The following SNX10 variants were observed in gnomAD, a reference collection of about 807,000 sequenced individuals.
SNX10 encodes sorting nexin-10.
Under a neutral mutation model 28.5 loss-of-function variants are expected in SNX10, and 25 were observed. The observed-to-expected ratio is 0.88, with a 90% CI of 0.64 to 1.22. The LOEUF is 1.22. SNX10 is among the 50% of genes most tolerant of loss of function. The pLI, the probability that SNX10 is intolerant of heterozygous loss-of-function variation, is 0.00. For synonymous variants in SNX10, 62 were observed against 81.4 expected, an observed-to-expected ratio of 0.76 and a Z score of 1.28; for missense variants, 223 against 242.6, an observed-to-expected ratio of 0.92 and a Z score of 0.54.
chr7:26,373,663 CT>C lies in SNX10; in HGVS notation c.*1093del. 1 of 151,916 alleles carries C rather than the reference CT, an allele frequency of 6.6e-6. No individual in the cohort carries two copies. The highest frequency in any genetic ancestry group is 1.9e-4 in the East Asian group (1 of 5,180). The allele number at this position is 151,916 out of a possible 1,614,324, so 9.4% of individuals were successfully genotyped here. On this transcript the variant is annotated 3_prime_UTR_variant, in exon 7 of 7. Transcript: ENST00000338523. This position sits in a 1 kb window ranked among gnomAD's most constrained non-coding sequence, Gnocchi z 4.2. ...CAGATTTCAGATGAGGCAACATTTT[CT>C]TGAGATAATTACCCAAGTTTCATCC...
At chr7:26,339,393 T>A (rs1172117776) in intron 1 of SNX10, among the ~76,000 whole-genome samples, 1 of 152,068 alleles carries the variant, frequency 6.6e-6, no homozygotes, top group Non-Finnish European at 1.5e-5. Context: ...GTCTTGCATA[T>A]TTTTTAAATC....
chr7:26,352,947 A>C (rs1413816569), intron 2 of SNX10, among the ~76,000 whole-genome samples: 1 of 151,946 alleles, frequency 6.6e-6, no homozygotes, highest in Non-Finnish European at 1.5e-5. Context: ...TGCTGATTGC[A>C]TCCTTGTGGA....
At chr7:26,304,245 G>T (rs1421429784) in intron 1 of SNX10, among the ~76,000 whole-genome samples, 1 of 152,130 alleles carries the variant, frequency 6.6e-6, no homozygotes, top group African/African-American at 2.4e-5. Flanking sequence ...CCATTTGTTT[G>T]TTTAGACCAG....
chr7:26,300,912 G>A (rs536739122), intron 1 of SNX10, among the ~76,000 whole-genome samples: 1 of 150,770 alleles, frequency 6.6e-6, no homozygotes, highest in Non-Finnish European at 1.5e-5. Context: ...CCAGCTACTC[G>A]GGAGGCTGCG....
intron 5 of SNX10, among the ~76,000 whole-genome samples, chr7:26,366,289 C>T (rs751987767): frequency 8.5e-5 from 13 of 152,140 alleles, no homozygotes; most frequent in Non-Finnish European, 1.8e-4. Flanking sequence ...TAAGTATGCA[C>T]ATTAATATTA....
chr7:26,353,511 C>T (rs533955795), intron 2 of SNX10, among the ~76,000 whole-genome samples: 4 of 141,470 alleles, frequency 2.8e-5, no homozygotes, highest in East Asian at 4.2e-4. Context: ...TGCAGTGGCA[C>T]GATCTCAGTT....
intron 1 of SNX10, among the ~76,000 whole-genome samples, chr7:26,341,254 G>A (rs1264993271): frequency 1.3e-5 from 2 of 152,148 alleles, no homozygotes; most frequent in Non-Finnish European, 2.9e-5. Context: ...AGCTATAATT[G>A]TGCCACTGCA....
At chr7:26,325,730 G>T (rs1787478869) in intron 1 of SNX10, among the ~76,000 whole-genome samples, 2 of 108,780 alleles carry the variant, frequency 1.8e-5, no homozygotes, top group African/African-American at 4.0e-5. Context: ...CAAAATTAGA[G>T]ATTTTTTTTT....
At position 26,372,613 on chromosome 7, in the gene SNX10, T is replaced by C. The variant is rs1444572684; in HGVS notation, c.*41T>C. On this transcript the variant is annotated 3_prime_UTR_variant, in exon 7 of 7. Coordinates refer to ENST00000338523, the MANE Select transcript of SNX10 (RefSeq NM_013322.3). Reference sequence around the variant, plus strand: ...TTACTATCTTAGGAATAGCAAATTATGTCCAGTCATAGAGAAGAAAGCTTC... The same window carrying C: ...TTACTATCTTAGGAATAGCAAATTACGTCCAGTCATAGAGAAGAAAGCTTC... The C allele has an allele frequency of 8.9e-7, 1 of 1,124,062 alleles. No individual in the cohort carries two copies. Among genetic ancestry groups the C allele is most frequent in the African/African-American group, 1.5e-5 (1 of 65,430 alleles). 69.6% of individuals were successfully genotyped at this position (1,124,062 alleles called of 1,614,324 possible).
At chr7:26,318,798 T>A (rs2127999726) in intron 1 of SNX10, among the ~76,000 whole-genome samples, 1 of 152,374 alleles carries the variant, frequency 6.6e-6, no homozygotes, top group Non-Finnish European at 1.5e-5. Context: ...GTATACTTAA[T>A]TTTTCTTGTA....
chr7:26,303,185 A>G (rs993541213), intron 1 of SNX10, among the ~76,000 whole-genome samples: 3 of 152,202 alleles, frequency 2.0e-5, no homozygotes, highest in Non-Finnish European at 4.4e-5. Context: ...TATTCTTGCA[A>G]ATTCATCCCT....
chr7:26,369,104 C>T (rs1315621479), intron 5 of SNX10, among the ~76,000 whole-genome samples: 1 of 152,156 alleles, frequency 6.6e-6, no homozygotes, highest in African/African-American at 2.4e-5. Flanking sequence ...TTCTGATTTG[C>T]ACTATAAATA....
In SNX10 at chr7:26,336,715, CA is replaced by C. The variant is rs540555560; in HGVS notation, c.-23-9699del. 5.0e-4 allele frequency among the ~76,000 whole-genome samples: 76 copies of C among 152,166 alleles called. 1 individual carries two copies. The highest frequency in any genetic ancestry group is 6.8e-3 in the Middle Eastern group (2 of 294). On this transcript the variant is annotated intron_variant, in intron 1 of 6. Coordinates refer to ENST00000338523, the MANE Select transcript of SNX10 (RefSeq NM_013322.3). ...GCGAGACTGTCTCAAAAAATAACAA[CA>C]AAAAATCAACAATACTGTTTGAACA... is the stretch of plus-strand genomic sequence containing the variant.
intron 5 of SNX10, among the ~76,000 whole-genome samples, chr7:26,370,049 A>G (rs1218356227): frequency 6.6e-6 from 1 of 152,230 alleles, no homozygotes; most frequent in East Asian, 1.9e-4. Flanking sequence ...TTTAAAGATT[A>G]CCCATTATTT....
At chr7:26,345,327 GTGT>G (rs1279600249) in intron 1 of SNX10, among the ~76,000 whole-genome samples, 2 of 152,172 alleles carry the variant, frequency 1.3e-5, no homozygotes, top group Admixed American at 6.5e-5. Flanking sequence ...GGCTCTGTGG[GTGT>G]TGTTGTTGCT....
At chr7:26,310,530 G>A (rs34319640) in intron 1 of SNX10, among the ~76,000 whole-genome samples, 51,118 of 151,880 alleles carry the variant, frequency 0.34, 10,678 homozygotes, top group South Asian at 0.48. Flanking sequence ...TTAGTGGGTG[G>A]TTAGGGAACC....
At chr7:26,345,591 C>T (rs1788351759) in intron 1 of SNX10, among the ~76,000 whole-genome samples, 1 of 152,054 alleles carries the variant, frequency 6.6e-6, no homozygotes, top group African/African-American at 2.4e-5. Context: ...CCTATGGTGC[C>T]AGTGACATGA....
intron 1 of SNX10, among the ~76,000 whole-genome samples, chr7:26,314,163 G>A (rs1018796856): frequency 6.6e-6 from 1 of 152,114 alleles, no homozygotes; most frequent in Non-Finnish European, 1.5e-5. Context: ...TTTTAAAAAA[G>A]TTATTCCTTT....
intron 1 of SNX10, among the ~76,000 whole-genome samples, chr7:26,308,251 C>A (rs558396467): frequency 6.6e-6 from 1 of 152,258 alleles, no homozygotes; most frequent in East Asian, 1.9e-4. Context: ...CAAGGCTAAT[C>A]TTCCCCTGTG....
Sources: allele counts gnomAD v4.1 joint callset (sites outside exome capture counted in the v4.1 genomes callset), GRCh38; gene constraint gnomAD v4.1.1; non-coding constraint Gnocchi (gnomAD v3.1); transcripts MANE v1.5; gene names NCBI Gene and HGNC (gene_info 2026-07-23, HGNC 2026-07-21).